Variants in GK5 observed in about 807,000 individuals in gnomAD.
The protein encoded by GK5 is ATP:glycerol 3-phosphotransferase 5.
In GK5, 39 loss-of-function variants were observed where a neutral mutation model predicts 77.3. That is an observed-to-expected ratio of 0.50 (90% confidence interval 0.39 to 0.66). The LOEUF (loss-of-function observed/expected upper bound fraction) is 0.66. GK5 is among the 30% of genes least tolerant of loss of function. The probability of loss-of-function intolerance (pLI) is 0.00; values close to 1 mark genes in which losing one functional copy is unlikely to be tolerated. For missense variants in GK5, 487 were observed against 633.8 expected (o/e 0.77, Z 2.49); for synonymous variants, 211 against 208.0 (o/e 1.01, Z -0.13).
chr3:142,174,807 A>G (rs550110699), intron 12 of GK5, among the ~76,000 whole-genome samples: 17 of 152,376 alleles, frequency 1.1e-4, no homozygotes, highest in South Asian at 6.2e-4. Context: ...AAGGTGGTCC[A>G]ATCAGATTCT....
chr3:142,180,887 G>C (rs774074444), intron 11 of GK5, among the ~76,000 whole-genome samples: 2 of 152,140 alleles, frequency 1.3e-5, no homozygotes, highest in Non-Finnish European at 2.9e-5. Context: ...CAGCACATGT[G>C]AAGATATGAC....
intron 4 of GK5, among the ~76,000 whole-genome samples, chr3:142,199,181 A>G (rs1447166720): frequency 6.6e-6 from 1 of 152,140 alleles, no homozygotes; most frequent in Admixed American, 6.5e-5. Context: ...GGTACTTATT[A>G]TAAACTTTTT....
intron 11 of GK5, among the ~76,000 whole-genome samples, chr3:142,180,595 C>T (rs2063683263): frequency 6.6e-6 from 1 of 152,192 alleles, no homozygotes; most frequent in African/African-American, 2.4e-5. Context: ...AGCCACCGCG[C>T]CCAGCCTTCT....
At chr3:142,173,556 C>T (rs530856179) in intron 12 of GK5, among the ~76,000 whole-genome samples, 15 of 151,984 alleles carry the variant, frequency 9.9e-5, no homozygotes, top group Non-Finnish European at 1.9e-4. Flanking sequence ...TGGTGGCGGG[C>T]GCCTGTAGTC....
chr3:142,202,545 T>C (rs1240663865), intron 4 of GK5, among the ~76,000 whole-genome samples: 1 of 152,224 alleles, frequency 6.6e-6, no homozygotes, highest in African/African-American at 2.4e-5. Flanking sequence ...CCTGTGTTTG[T>C]ATAAATTTTT....
intron 12 of GK5, among the ~76,000 whole-genome samples, chr3:142,175,047 G>A (rs1367929860): frequency 6.6e-6 from 1 of 152,168 alleles, no homozygotes; most frequent in Non-Finnish European, 1.5e-5. Context: ...AGAGAAGCAG[G>A]AACCCAAAGA....
At chr3:142,174,858 C>T (rs909227033) in intron 12 of GK5, among the ~76,000 whole-genome samples, 1 of 151,992 alleles carries the variant, frequency 6.6e-6, no homozygotes, top group Non-Finnish European at 1.5e-5. Flanking sequence ...AAGAAAAAGA[C>T]CTCATCAATG....
chr3:142,173,018 C>A (rs748915965), intron 12 of GK5: 6 of 265,594 alleles, frequency 2.3e-5, no homozygotes, highest in Non-Finnish European at 3.9e-5. Flanking sequence ...TCCTGGGCAA[C>A]AAAGCAAGAT....
chr3:142,225,324 G>A lies in GK5; in HGVS notation c.132C>T (p.Gly44=). 6.5e-7 allele frequency: 1 copy of A among 1,546,640 alleles called. No individual in the cohort carries two copies. The highest frequency in any genetic ancestry group is 8.7e-7 in the Non-Finnish European group (1 of 1,146,882). The change falls in exon 1 of 16, where the codon GGC becomes GGT. Residue 44 remains glycine, a synonymous_variant. Coordinates refer to ENST00000392993, the MANE Select transcript of GK5 (RefSeq NM_001039547.3). ...CCCAAGTCACCTTCTGCACGCTGGA[G>A]CCGCAGACCCGCGCCGCCCGGTCAT... ...HVYDRAARVC[G]SSVQKVENLY...
Position 142,165,518 on chromosome 3 carries a change from A to G in GK5, c.*104T>C. On this transcript the variant is annotated 3_prime_UTR_variant, in exon 16 of 16. Transcript: ENST00000392993. ...TTCTTAAGTTATGAAGCTTATTTAA[A>G]ATTTTCTCCTCTTAGTCATTGTCAT... 2.6e-6 allele frequency: 2 copies of G among 772,198 alleles called. No individual in the cohort carries two copies. Among genetic ancestry groups the G allele is most frequent in the Non-Finnish European group, 3.9e-6 (2 of 519,090 alleles). 47.8% of individuals were successfully genotyped at this position (772,198 alleles called of 1,614,324 possible).
chr3:142,224,767 G>T (rs1459655932), intron 1 of GK5, among the ~76,000 whole-genome samples: 1 of 152,102 alleles, frequency 6.6e-6, no homozygotes, highest in Non-Finnish European at 1.5e-5. Flanking sequence ...AAGATGACAA[G>T]TGAAGAATAG....
intron 1 of GK5, among the ~76,000 whole-genome samples, chr3:142,222,610 T>C (rs2064367798): frequency 6.6e-6 from 1 of 151,768 alleles, no homozygotes; most frequent in South Asian, 2.1e-4. Context: ...ATTTTTAAGA[T>C]ACAATTAAGT....
intron 1 of GK5, among the ~76,000 whole-genome samples, chr3:142,223,610 AGGCG>A (rs1359715237): frequency 1.3e-5 from 2 of 152,244 alleles, no homozygotes; most frequent in African/African-American, 4.8e-5. Context: ...AGGCTGAGGC[AGGCG>A]GTTCACCTGA....
intron 12 of GK5, chr3:142,173,196 G>A (rs1447799337): frequency 2.4e-6 from 1 of 420,202 alleles, no homozygotes; most frequent in South Asian, 1.6e-5. Context: ...GTGAGACAGG[G>A]TCTAAAAAAA....
At chr3:142,193,507 A>G (rs1398121012) in intron 5 of GK5, among the ~76,000 whole-genome samples, 1 of 151,830 alleles carries the variant, frequency 6.6e-6, no homozygotes, top group Non-Finnish European at 1.5e-5. Flanking sequence ...CAAAAAAAAA[A>G]GCAGAAATTT....
chr3:142,218,477 G>T (rs967287841), intron 1 of GK5, among the ~76,000 whole-genome samples: 1 of 150,082 alleles, frequency 6.7e-6, no homozygotes, highest in Non-Finnish European at 1.5e-5. Context: ...GGAAGGCAGA[G>T]GTTCAGCGAG....
At chr3:142,210,447 C>A (rs1020111025) in intron 3 of GK5, among the ~76,000 whole-genome samples, 9 of 152,150 alleles carry the variant, frequency 5.9e-5, no homozygotes, top group African/African-American at 2.2e-4. Context: ...CTTGTGGAAT[C>A]TGTCAGCATC....
At chr3:142,169,291 A>T (rs994188750) in intron 15 of GK5, among the ~76,000 whole-genome samples, 1 of 152,194 alleles carries the variant, frequency 6.6e-6, no homozygotes, top group Non-Finnish European at 1.5e-5. Context: ...CAAGGCCTCA[A>T]CTTTTGGACT....
At chr3:142,207,380 T>C (rs747669712) in intron 3 of GK5, among the ~76,000 whole-genome samples, 3 of 152,214 alleles carry the variant, frequency 2.0e-5, no homozygotes, top group Non-Finnish European at 4.4e-5. Context: ...CCATGGATTG[T>C]TTCTAACCAG....
Sources: allele counts gnomAD v4.1 joint callset (sites outside exome capture counted in the v4.1 genomes callset), GRCh38; gene constraint gnomAD v4.1.1; transcripts MANE v1.5; gene names NCBI Gene and HGNC (gene_info 2026-07-23, HGNC 2026-07-21).